The following PPP1R37 variants were observed in gnomAD, a reference collection of about 807,000 sequenced individuals.
PPP1R37 encodes the protein protein phosphatase 1 regulatory subunit 37.
In PPP1R37, 21 loss-of-function variants were observed where a neutral mutation model predicts 61.0. The observed-to-expected ratio is 0.34, with a 90% CI of 0.24 to 0.50. The LOEUF (loss-of-function observed/expected upper bound fraction) is 0.50, where lower values mean the gene tolerates loss of function less well. Among genes scored for constraint, PPP1R37 ranks in the 20% least tolerant of loss-of-function variants. PPP1R37 has a pLI of 0.98. For synonymous variants in PPP1R37, 443 were observed against 433.5 expected, an observed-to-expected ratio of 1.02 and a Z score of -0.27; for missense variants, 910 against 952.7, an observed-to-expected ratio of 0.96 and a Z score of 0.59.
At chr19:45,137,727 G>C (rs185116843) in intron 1 of PPP1R37, among the ~76,000 whole-genome samples, 2 of 152,038 alleles carry the variant, frequency 1.3e-5, no homozygotes, top group East Asian at 3.9e-4. Context: ...AGCCCGGCTC[G>C]CATATATACC....
chr19:45,100,092 G>A (rs944834354), intron 1 of PPP1R37: 1 of 152,214 alleles, frequency 6.6e-6, no homozygotes, highest in Non-Finnish European at 1.5e-5. Context: ...ACTGCAGCTG[G>A]AGCAGTCACT....
chr19:45,141,275 C>T (rs776477361), intron 4 of PPP1R37, 47 bp from the exon 5 acceptor site: 1 of 1,503,772 alleles, frequency 6.6e-7, no homozygotes, highest in South Asian at 1.2e-5. Flanking sequence ...GCCTCTCCTC[C>T]AGGGCAGCCC....
chr19:45,129,436 T>G (rs1968449295), intron 1 of PPP1R37, among the ~76,000 whole-genome samples: 1 of 152,106 alleles, frequency 6.6e-6, no homozygotes, highest in African/African-American at 2.4e-5. Flanking sequence ...GTAGCTGGGA[T>G]TACAGGCACG....
Position 45,093,242 on chromosome 19 carries a change from C to T in PPP1R37, c.-84C>T, listed in dbSNP as rs1967944138. On this transcript the variant is annotated 5_prime_UTR_variant, in exon 1 of 13. Coordinates refer to ENST00000221462, the MANE Select transcript of PPP1R37 (RefSeq NM_019121.2). The stretch of plus-strand genomic sequence containing the variant: ...CCTGAAGCGGCGGCGGAGCCCATGC[C>T]CCGGGACGGCGGGCGGACCCGGAGA... 10 of 1,131,760 alleles carry T rather than the reference C, an allele frequency of 8.8e-6. No individual in the cohort carries two copies. Among genetic ancestry groups the T allele is most frequent in the Non-Finnish European group, 1.2e-5 (10 of 868,112 alleles). 70.1% of individuals were successfully genotyped at this position (1,131,760 alleles called of 1,614,324 possible). A position where few individuals can be genotyped will look rare whatever the true frequency, so the allele number is the denominator to read the frequency against.
chr19:45,122,856 G>A lies in PPP1R37; in HGVS notation c.203-15658G>A, dbSNP rs542682448. 2.5e-4 allele frequency among the ~76,000 whole-genome samples: 38 copies of A among 152,184 alleles called. No homozygotes were observed. In the East Asian group the frequency reaches 5.4e-3, roughly 22 times the overall value. ...CTCCCATGTGCATGCTTTGCCTCCC[G>A]TGCTCCATAAGCAGGACCTTGACCC... On this transcript the variant is annotated intron_variant, in intron 1 of 12. Transcript: ENST00000221462.
chr19:45,128,821 A>G (rs1256797139), intron 1 of PPP1R37: 5 of 619,180 alleles, frequency 8.1e-6, no homozygotes, highest in Non-Finnish European at 3.0e-6. Context: ...CCCAGCATCA[A>G]AAGGAATGAC....
chr19:45,145,033 GC>G lies in PPP1R37; in HGVS notation c.1129+39del, dbSNP rs1447389199. On this transcript the variant is annotated intron_variant, in intron 9 of 12. Coordinates refer to ENST00000221462, the MANE Select transcript of PPP1R37 (RefSeq NM_019121.2). ...GCCGGGCCAGGGTGCGGGCTGGTGG[GC>G]TCAGCCGGGCGGCCAGCCGGGTGTG... The G allele has an allele frequency of 2.0e-6, 3 of 1,521,694 alleles. No individual in the cohort carries two copies. The South Asian group carries it at 3.6e-5, about 18-fold the overall frequency. 94.3% of individuals were successfully genotyped at this position (1,521,694 alleles called of 1,614,324 possible). A position where few individuals can be genotyped will look rare whatever the true frequency, so the allele number is the denominator to read the frequency against.
chr19:45,145,565 G>A lies in PPP1R37; in HGVS notation c.1509G>A (p.Pro503=), dbSNP rs568973958. ...GGGCCCCCAGCCCCGCACCCAGCCC[G>A]GACTCAGACTCAGACTCGGACTCGG... ...QNGAPSPAPS[P]DSDSDSDSDG... Residue 503 remains proline (P), a synonymous_variant, in exon 11 of 13, where the codon CCG becomes CCA. Coordinates refer to ENST00000221462, the MANE Select transcript of PPP1R37 (RefSeq NM_019121.2). 1.0e-5 allele frequency: 16 copies of A among 1,535,514 alleles called. No homozygotes were observed. In the African/African-American group the frequency reaches 1.5e-4, roughly 14 times the overall value.
intron 1 of PPP1R37, among the ~76,000 whole-genome samples, chr19:45,127,016 G>A (rs1352333707): frequency 6.6e-6 from 1 of 152,136 alleles, no homozygotes; most frequent in Non-Finnish European, 1.5e-5. Flanking sequence ...GCGTCGTTAG[G>A]TGATTTCATG....
At chr19:45,093,971 G>T (rs1368833148) in intron 1 of PPP1R37, among the ~76,000 whole-genome samples, 1 of 152,212 alleles carries the variant, frequency 6.6e-6, no homozygotes, top group Admixed American at 6.5e-5. Context: ...TGGTCTGCAA[G>T]CCTTGGGGCA....
chr19:45,097,780 GA>G (rs1968012013), intron 1 of PPP1R37, among the ~76,000 whole-genome samples: 1 of 152,110 alleles, frequency 6.6e-6, no homozygotes, highest in African/African-American at 2.4e-5. Context: ...TGGAATGGGA[GA>G]GCAGAGGCCG....
chr19:45,102,174 C>T (rs145561196), intron 1 of PPP1R37, among the ~76,000 whole-genome samples: 2 of 152,356 alleles, frequency 1.3e-5, no homozygotes, highest in African/African-American at 4.8e-5. Context: ...ATCCAGAAAA[C>T]TCTACAGACC....
At chr19:45,146,357 C>G in intron 11 of PPP1R37, 33 bp from the exon 12 acceptor site, 1 of 1,528,360 alleles carries the variant, frequency 6.5e-7, no homozygotes, top group Non-Finnish European at 8.8e-7. Context: ...CCCCACCCGC[C>G]TGACGGGGGT....
intron 1 of PPP1R37, among the ~76,000 whole-genome samples, chr19:45,117,059 C>T (rs1030820762): frequency 2.0e-5 from 3 of 151,880 alleles, no homozygotes; most frequent in South Asian, 2.1e-4. Context: ...ACTACAGGCA[C>T]GTGTCACCAC....
intron 1 of PPP1R37, among the ~76,000 whole-genome samples, chr19:45,113,336 G>A (rs905679268): frequency 3.9e-5 from 6 of 152,230 alleles, no homozygotes; most frequent in East Asian, 3.8e-4. Flanking sequence ...AATAGCTAGC[G>A]TTGGTGGAAC....
At chr19:45,106,448 T>C (rs1371589764) in intron 1 of PPP1R37, among the ~76,000 whole-genome samples, 1 of 152,074 alleles carries the variant, frequency 6.6e-6, no homozygotes, top group Non-Finnish European at 1.5e-5. Flanking sequence ...TTCACCATGT[T>C]GGCTGGGCTG....
At chr19:45,094,952 T>A (rs999146380) in intron 1 of PPP1R37, among the ~76,000 whole-genome samples, 2 of 151,962 alleles carry the variant, frequency 1.3e-5, no homozygotes, top group South Asian at 2.1e-4. Context: ...CAGTGTTGAG[T>A]CCATTTTGTG....
chr19:45,104,823 T>C (rs1377016865), intron 1 of PPP1R37, among the ~76,000 whole-genome samples: 1 of 151,954 alleles, frequency 6.6e-6, no homozygotes, highest in East Asian at 1.9e-4. Flanking sequence ...TGGCTTCCTT[T>C]CAGTCCTAGA....
intron 2 of PPP1R37, 42 bp from the exon 3 acceptor site, chr19:45,140,194 G>GT: frequency 6.6e-7 from 1 of 1,521,436 alleles, no homozygotes; most frequent in Non-Finnish European, 8.8e-7. Context: ...CTGCCCCCCT[G>GT]TTCAAGTGTC....
Sources: allele counts gnomAD v4.1 joint callset (sites outside exome capture counted in the v4.1 genomes callset), GRCh38; gene constraint gnomAD v4.1.1; transcripts MANE v1.5; gene names NCBI Gene and HGNC (gene_info 2026-07-23, HGNC 2026-07-21).